MLLT1: variants seen among roughly 807,000 people sequenced by gnomAD.
The protein encoded by MLLT1 is MLLT1 super elongation complex subunit, also known as protein ENL.
MLLT1 carries 11 observed loss-of-function variants against 55.1 expected under a neutral mutation model. That is an observed-to-expected ratio of 0.20 (90% CI 0.13 to 0.33). The LOEUF is 0.33. MLLT1 is among the 10% of genes least tolerant of loss of function. The pLI is 1.00. For missense variants in MLLT1, 536 were observed against 760.6 expected, an observed-to-expected ratio of 0.70 and a Z score of 3.47; for synonymous variants, 323 against 320.1, an observed-to-expected ratio of 1.01 and a Z score of -0.10.
intron 7 of MLLT1, among the ~76,000 whole-genome samples, 174 bp downstream of exon 7, chr19:6,217,780 C>T (rs2090859312): frequency 6.6e-6 from 1 of 152,236 alleles, no homozygotes; most frequent in African/African-American, 2.4e-5. Flanking sequence ...GGTCTGGTGA[C>T]TTGTTCCTGC....
At position 6,270,791 on chromosome 19, in the gene MLLT1, AG is replaced by A. The variant is rs2091389254; in HGVS notation, c.13-33del. On this transcript the variant is annotated intron_variant, in intron 1 of 11. Coordinates refer to ENST00000252674, the MANE Select transcript of MLLT1 (RefSeq NM_005934.4). The surrounding 1 kb of genome is among the most constrained non-coding windows in gnomAD (Gnocchi z 7.1). ...GAGAGAGAGGTGGGGAGATGAAGTCAGCACACGCCTCCAAGCAGGGGACTGT... is the reference window on the plus strand; with the variant it reads ...GAGAGAGAGGTGGGGAGATGAAGTCACACACGCCTCCAAGCAGGGGACTGT... The A allele has an allele frequency of 1.9e-6, 3 of 1,571,516 alleles. No homozygotes were observed. The highest frequency in any genetic ancestry group is 2.6e-6 in the Non-Finnish European group (3 of 1,154,796).
At chr19:6,247,904 T>TTTGTTTG (rs1568288714) in intron 3 of MLLT1, among the ~76,000 whole-genome samples, 2,948 of 134,414 alleles carry the variant, frequency 0.022, 101 homozygotes, top group African/African-American at 0.086. Flanking sequence ...TTGTTTGTTT[T>TTTGTTTG]TTGTGAGACA....
At chr19:6,263,652 C>CA (rs1244560179) in intron 2 of MLLT1, among the ~76,000 whole-genome samples, 1 of 152,176 alleles carries the variant, frequency 6.6e-6, no homozygotes, top group Non-Finnish European at 1.5e-5. Flanking sequence ...CGCACCGGCC[C>CA]ACTCTCCTGC....
rs185002615 is a variant in MLLT1 at position 6,232,459 on chromosome 19, C to T, written c.277-1746G>A. On this transcript the variant is annotated intron_variant, in intron 3 of 11. Transcript: ENST00000252674. ...ACTCAAAATGGATCAGAGACCTGGA[C>T]GTAAGCACTAACGCCACATAGCTCT... Among the ~76,000 whole-genome samples the T allele has an allele frequency of 9.2e-5, 14 of 152,314 alleles. No homozygotes were observed. The East Asian group carries it at 2.1e-3, about 23-fold the overall frequency.
intron 3 of MLLT1, among the ~76,000 whole-genome samples, chr19:6,257,278 T>C (rs1259905581): frequency 2.0e-5 from 3 of 146,596 alleles, no homozygotes; most frequent in Non-Finnish European, 4.5e-5. Flanking sequence ...GAGGCTGGGG[T>C]GGGAGGACTG....
intron 3 of MLLT1, among the ~76,000 whole-genome samples, chr19:6,253,549 T>G (rs546942034): frequency 1.3e-5 from 2 of 152,122 alleles, no homozygotes; most frequent in Non-Finnish European, 2.9e-5. Context: ...CAATGTTCCT[T>G]ATGAATACAG....
intron 1 of MLLT1, among the ~76,000 whole-genome samples, chr19:6,275,653 G>C (rs1397584846): frequency 6.6e-6 from 1 of 152,102 alleles, no homozygotes; most frequent in South Asian, 2.1e-4. Flanking sequence ...TGGCACACTG[G>C]GGCTAGGGGC....
At position 6,270,452 on chromosome 19, in the gene MLLT1, G is replaced by A; in HGVS notation, c.193+127C>T. The A allele has an allele frequency of 4.0e-6, 4 of 1,001,916 alleles. No individual in the cohort carries two copies. Among genetic ancestry groups the A allele is most frequent in the Non-Finnish European group, 5.7e-6 (4 of 701,434 alleles). The allele number at this position is 1,001,916 out of a possible 1,614,324, so 62.1% of individuals were successfully genotyped here. A position where few individuals can be genotyped will look rare whatever the true frequency, so the allele number is the denominator to read the frequency against. On this transcript the variant is annotated intron_variant, in intron 2 of 11. Coordinates refer to ENST00000252674, the MANE Select transcript of MLLT1 (RefSeq NM_005934.4). This position sits in a 1 kb window ranked among gnomAD's most constrained non-coding sequence, Gnocchi z 7.1. ...CGGCTCCAGTGCCCCCACGCCGAGGGACGCAAGCTGGAACCTCATGGTTGG... is the reference window on the plus strand; with the variant it reads ...CGGCTCCAGTGCCCCCACGCCGAGGAACGCAAGCTGGAACCTCATGGTTGG...
At chr19:6,221,395 T>G (rs1308629988) in intron 6 of MLLT1, among the ~76,000 whole-genome samples, 1 of 152,186 alleles carries the variant, frequency 6.6e-6, no homozygotes, top group East Asian at 1.9e-4. Context: ...TACCAGCTCT[T>G]GCGGCTCAAG....
intron 2 of MLLT1, among the ~76,000 whole-genome samples, chr19:6,264,062 T>C (rs1215790963): frequency 1.3e-5 from 2 of 152,084 alleles, no homozygotes; most frequent in Non-Finnish European, 2.9e-5. Flanking sequence ...CGCACAACTA[T>C]GTGAATATAC....
At chr19:6,251,297 C>T (rs757011224) in intron 3 of MLLT1, among the ~76,000 whole-genome samples, 2 of 152,148 alleles carry the variant, frequency 1.3e-5, no homozygotes, top group African/African-American at 2.4e-5. Context: ...GGGGGTGCGG[C>T]GGCACTTATT....
chr19:6,254,880 T>A (rs572521331), intron 3 of MLLT1, among the ~76,000 whole-genome samples: 1 of 151,156 alleles, frequency 6.6e-6, no homozygotes, highest in South Asian at 2.1e-4. Flanking sequence ...GAAAAGACTT[T>A]GACGAAAGAC....
intron 3 of MLLT1, among the ~76,000 whole-genome samples, chr19:6,245,334 C>T (rs1459150781): frequency 6.7e-6 from 1 of 150,074 alleles, no homozygotes; most frequent in Non-Finnish European, 1.5e-5. Flanking sequence ...TCAAACAATC[C>T]TTCCACCTCG....
chr19:6,216,110 C>G (rs2090840842), intron 8 of MLLT1, among the ~76,000 whole-genome samples: 1 of 152,172 alleles, frequency 6.6e-6, no homozygotes, highest in Non-Finnish European at 1.5e-5. Flanking sequence ...TCCTGCACCC[C>G]TCCCTGCCAG....
intron 3 of MLLT1, among the ~76,000 whole-genome samples, chr19:6,252,283 C>G (rs961587921): frequency 6.6e-6 from 1 of 152,206 alleles, no homozygotes; most frequent in Non-Finnish European, 1.5e-5. Flanking sequence ...TTCTCTGCTG[C>G]GGAGGCGTCT....
chr19:6,212,258 C>G lies in MLLT1; in HGVS notation c.*784G>C. On this transcript the variant is annotated 3_prime_UTR_variant, in exon 12 of 12. Coordinates refer to ENST00000252674, the MANE Select transcript of MLLT1 (RefSeq NM_005934.4). ...CCCTTTGTAGTGTTGGCTGACCCCC[C>G]CGGGAGCCCCGGTAGGAGGCGGCGG... The G allele has an allele frequency of 1.9e-6, 2 of 1,065,162 alleles. No individual in the cohort carries two copies. Among genetic ancestry groups the G allele is most frequent in the Non-Finnish European group, 2.3e-6 (2 of 879,366 alleles). 66.0% of individuals were successfully genotyped at this position (1,065,162 alleles called of 1,614,324 possible). A position where few individuals can be genotyped will look rare whatever the true frequency, so the allele number is the denominator to read the frequency against.
Position 6,250,247 on chromosome 19 carries a change from C to T in MLLT1, c.276+11981G>A, listed in dbSNP as rs539261762. 3.3e-5 allele frequency among the ~76,000 whole-genome samples: 5 copies of T among 152,094 alleles called. No individual in the cohort carries two copies. In the South Asian group the frequency reaches 6.2e-4, roughly 19 times the overall value. On this transcript the variant is annotated intron_variant, in intron 3 of 11. Coordinates refer to ENST00000252674, the MANE Select transcript of MLLT1 (RefSeq NM_005934.4). ...CCACAGGGATGGCTATCAGTAAAAA[C>T]AGACAAAAAACAGGAGATAACAAAT...
chr19:6,246,058 A>G (rs2091164983), intron 3 of MLLT1, among the ~76,000 whole-genome samples: 1 of 152,124 alleles, frequency 6.6e-6, no homozygotes, highest in Non-Finnish European at 1.5e-5. Flanking sequence ...AGCCTGGGCA[A>G]TAAGAGCAAA....
chr19:6,279,186 T>C (rs922115492), intron 1 of MLLT1, among the ~76,000 whole-genome samples: 21 of 151,590 alleles, frequency 1.4e-4, no homozygotes, highest in Admixed American at 4.6e-4. Context: ...ACGCCTCATA[T>C]CTGAGCTGAG....
Sources: allele counts gnomAD v4.1 joint callset (sites outside exome capture counted in the v4.1 genomes callset), GRCh38; gene constraint gnomAD v4.1.1; non-coding constraint Gnocchi (gnomAD v3.1); transcripts MANE v1.5; gene names NCBI Gene and HGNC (gene_info 2026-07-23, HGNC 2026-07-21).